ACAN: variants seen among roughly 807,000 people sequenced by gnomAD.
ACAN encodes the protein aggrecan.
In ACAN, 47 loss-of-function variants were observed where a neutral mutation model predicts 169.1. That is an observed-to-expected ratio of 0.28 (90% CI 0.22 to 0.35). The LOEUF is 0.35. Ranked by LOEUF, ACAN falls within the 10% of genes least tolerant of loss-of-function variation. The probability of loss-of-function intolerance (pLI) is 1.00; values close to 1 mark genes in which losing one functional copy is unlikely to be tolerated. For synonymous variants in ACAN, 1,115 were observed against 1,112.2 expected (o/e 1.00, Z -0.05); for missense variants, 2,716 against 2,759.9 (o/e 0.98, Z 0.36).
At chr15:88,804,975 C>T (rs150851532) in intron 1 of ACAN, among the ~76,000 whole-genome samples, 7 of 152,202 alleles carry the variant, frequency 4.6e-5, no homozygotes, top group South Asian at 2.1e-4. Flanking sequence ...GAAAATTCAC[C>T]CACCTCGTCT....
intron 1 of ACAN, among the ~76,000 whole-genome samples, chr15:88,825,020 A>G (rs1896177308): frequency 6.6e-6 from 1 of 152,206 alleles, no homozygotes; most frequent in Non-Finnish European, 1.5e-5. Flanking sequence ...GGAAAGATCC[A>G]GAAGTGTGTG....
Position 88,839,021 on chromosome 15 carries a change from G to C in ACAN, c.429G>C (p.Glu143Asp), listed in dbSNP as rs765720290. 6.2e-7 allele frequency: 1 copy of C among 1,605,956 alleles called. No homozygotes were observed. Among genetic ancestry groups the C allele is most frequent in the Non-Finnish European group, 8.5e-7 (1 of 1,179,796 alleles). Residue 143 changes from glutamate (E) to aspartate (D), a missense_variant, in exon 3 of 19, where the codon GAG (glutamate) becomes GAC (aspartate). Transcript: ENST00000560601. This position sits in a 1 kb window ranked among gnomAD's most constrained non-coding sequence, Gnocchi z 4.5. ...TGATGCATGGCATCGAGGACAGCGA[G>C]GCCACCCTGGAAGTCGTGGTGAAAG... ...CEVMHGIEDS[E>D]ATLEVVVKGI...
In ACAN at chr15:88,859,076, C is replaced by T. The variant is rs368693410; in HGVS notation, c.6491C>T (p.Ala2164Val). 2 of 1,613,834 alleles carry T rather than the reference C, an allele frequency of 1.2e-6. No homozygotes were observed. Among genetic ancestry groups the T allele is most frequent in the African/African-American group, 2.7e-5 (2 of 74,942 alleles). ...LTFQEGEASA[A>V]PEVSGESTTT... ...TTTCAAGAAGGCGAGGCGTCCGCTG[C>T]CCCAGAAGTGAGTGGAGAATCCACC... is the stretch of plus-strand genomic sequence containing the variant. The change falls in exon 12 of 19, where the codon GCC becomes GTC. Residue 2164 changes from alanine to valine, a missense_variant. Ala to Val is a moderately conservative substitution (Grantham distance 64). Around this residue, in one of 3 missense-constraint regions of ACAN, gnomAD observed 1,389 missense variants for 1,363.7 expected, o/e 1.02. Transcript: ENST00000560601.
chr15:88,824,025 C>T (rs1281277849), intron 1 of ACAN, among the ~76,000 whole-genome samples: 7 of 152,034 alleles, frequency 4.6e-5, no homozygotes, highest in Non-Finnish European at 2.9e-5. Flanking sequence ...TATGATCGGT[C>T]TTAAGATTAA....
chr15:88,813,379 G>A (rs1895867477), intron 1 of ACAN, among the ~76,000 whole-genome samples: 1 of 152,136 alleles, frequency 6.6e-6, no homozygotes, highest in Admixed American at 6.5e-5. Context: ...GGAAATCTGG[G>A]ACTCAGAAAA....
chr15:88,839,095 C>A lies in ACAN; in HGVS notation c.454+49C>A. ...ACGCTGCTTCACCCACATAAAGAAC[C>A]AGAGCAGTCTCCGCAGTGCAGGCGC... On this transcript the variant is annotated intron_variant, in intron 3 of 18. Transcript: ENST00000560601. This position sits in a 1 kb window ranked among gnomAD's most constrained non-coding sequence, Gnocchi z 4.5. 6.3e-7 allele frequency: 1 copy of A among 1,586,506 alleles called. No individual in the cohort carries two copies. Among genetic ancestry groups the A allele is most frequent in the South Asian group, 1.1e-5 (1 of 89,182 alleles).
At chr15:88,853,633 C>G (rs1364263041) in intron 11 of ACAN, among the ~76,000 whole-genome samples, 1 of 151,598 alleles carries the variant, frequency 6.6e-6, no homozygotes, top group Admixed American at 6.6e-5. Context: ...GCAAGACCCT[C>G]TCTCCAAAAA....
At chr15:88,810,107 A>T (rs1180738918) in intron 1 of ACAN, among the ~76,000 whole-genome samples, 1 of 152,098 alleles carries the variant, frequency 6.6e-6, no homozygotes, top group Non-Finnish European at 1.5e-5. Context: ...AGTCCCAGAG[A>T]GCGGAGGACA....
Position 88,803,459 on chromosome 15 carries a change from G to A in ACAN, c.-358G>A, listed in dbSNP as rs972592853. 3.8e-5 allele frequency: 3 copies of A among 78,100 alleles called. No homozygotes were observed. Among genetic ancestry groups the A allele is most frequent in the Non-Finnish European group, 7.6e-5 (3 of 39,384 alleles). The allele number at this position is 78,100 out of a possible 1,614,324, so 4.8% of individuals were successfully genotyped here. On this transcript the variant is annotated 5_prime_UTR_variant, in exon 1 of 19. Coordinates refer to ENST00000560601, the MANE Select transcript of ACAN (RefSeq NM_001369268.1). ...CCGCCCGCCCACCTACCTCCCCGCC[G>A]CTCCAGAGGGGGCTCGCAGAGCTGA...
intron 1 of ACAN, among the ~76,000 whole-genome samples, chr15:88,818,098 C>T (rs777718406): frequency 6.6e-6 from 1 of 152,126 alleles, no homozygotes; most frequent in African/African-American, 2.4e-5. Context: ...GTTTTCCTTA[C>T]TTGACTATTC....
Position 88,857,174 on chromosome 15 carries a change from C to G in ACAN, c.4589C>G (p.Ser1530Cys). The change falls in exon 12 of 19, where the codon TCT (serine) becomes TGT (cysteine). Residue 1530 changes from serine to cysteine, a missense_variant. Physicochemically the swap from Ser to Cys is moderately radical, Grantham distance 112 (BLOSUM62 -1). Transcript: ENST00000560601. ...SGVEDLSRLPSGEEVLEISAS... is the reference protein window; with the variant it reads ...SGVEDLSRLPCGEEVLEISAS... ...GTAGAGGACCTCAGCAGGCTCCCTT[C>G]TGGAGAAGAAGTTCTAGAGATTTCT... 6.2e-7 allele frequency: 1 copy of G among 1,613,850 alleles called. No homozygotes were observed. Among genetic ancestry groups the G allele is most frequent in the East Asian group, 2.2e-5 (1 of 44,882 alleles).
intron 1 of ACAN, among the ~76,000 whole-genome samples, chr15:88,830,956 C>T (rs1192649408): frequency 6.6e-6 from 1 of 152,108 alleles, no homozygotes; most frequent in Non-Finnish European, 1.5e-5. Context: ...ATCGTAGGTA[C>T]AGTTTGTTGT....
chr15:88,813,480 C>G (rs1197928463), intron 1 of ACAN, among the ~76,000 whole-genome samples: 3 of 152,200 alleles, frequency 2.0e-5, no homozygotes, highest in Admixed American at 2.0e-4. Flanking sequence ...CACCAGTGAC[C>G]CAACTGAGGA....
Position 88,839,015 on chromosome 15 carries a change from C to A in ACAN, c.423C>A (p.Asp141Glu). The change falls in exon 3 of 19, where the codon GAC becomes GAA. Residue 141 changes from aspartate to glutamate, a missense_variant. This residue lies in a region of ACAN where 1,283 missense variants were observed against 1,281.5 expected (regional missense o/e 1.00). Coordinates refer to ENST00000560601, the MANE Select transcript of ACAN (RefSeq NM_001369268.1). This position sits in a 1 kb window ranked among gnomAD's most constrained non-coding sequence, Gnocchi z 4.5. Reference sequence around the variant, plus strand: ...GCGAGGTGATGCATGGCATCGAGGACAGCGAGGCCACCCTGGAAGTCGTGG... The same window carrying A: ...GCGAGGTGATGCATGGCATCGAGGAAAGCGAGGCCACCCTGGAAGTCGTGG... ...YRCEVMHGIE[D>E]SEATLEVVVK... The A allele has an allele frequency of 6.2e-7, 1 of 1,607,292 alleles. No homozygotes were observed. Among genetic ancestry groups the A allele is most frequent in the Non-Finnish European group, 8.5e-7 (1 of 1,179,822 alleles).
rs543052440 is a variant in ACAN at position 88,854,956 on chromosome 15, G to A, written c.2371G>A (p.Glu791Lys). The A allele has an allele frequency of 8.1e-6, 13 of 1,599,814 alleles. 1 individual carries two copies. The East Asian group carries it at 2.9e-4, about 36-fold the overall frequency. ...PSASEEPSPS[E>K]VPFPSEEPSP... ...TGCCTCAGAGGAACCATCCCCCTCAGAGGTGCCATTCCCCTCAGAGGAGCC... is the reference window on the plus strand; with the variant it reads ...TGCCTCAGAGGAACCATCCCCCTCAAAGGTGCCATTCCCCTCAGAGGAGCC... The change falls in exon 12 of 19, where the codon GAG becomes AAG. Residue 791 changes from glutamate to lysine, a missense_variant. Glu to Lys is a moderately conservative substitution (Grantham distance 56). Coordinates refer to ENST00000560601, the MANE Select transcript of ACAN (RefSeq NM_001369268.1).
chr15:88,857,786 G>T lies in ACAN; in HGVS notation c.5201G>T (p.Gly1734Val). 6.2e-7 allele frequency: 1 copy of T among 1,613,950 alleles called. No individual in the cohort carries two copies. The change falls in exon 12 of 19, where the codon GGT (glycine) becomes GTT (valine). Residue 1734 changes from glycine to valine, a missense_variant. Physicochemically the swap from Gly to Val is moderately radical, Grantham distance 109. Coordinates refer to ENST00000560601, the MANE Select transcript of ACAN (RefSeq NM_001369268.1). ...DVSGEIPGLFGVSGQPSGFPD... is the reference protein window; with the variant it reads ...DVSGEIPGLFVVSGQPSGFPD... Reference sequence around the variant, plus strand: ...AGTGGGGAAATACCTGGACTCTTTGGTGTCAGTGGACAGCCATCAGGGTTT... The same window carrying T: ...AGTGGGGAAATACCTGGACTCTTTGTTGTCAGTGGACAGCCATCAGGGTTT...
chr15:88,858,867 A>T lies in ACAN; in HGVS notation c.6282A>T (p.Ser2094=). 1 of 1,612,242 alleles carries T rather than the reference A, an allele frequency of 6.2e-7. No homozygotes were observed. The highest frequency in any genetic ancestry group is 8.5e-7 in the Non-Finnish European group (1 of 1,178,770). The change falls in exon 12 of 19, where the codon TCA becomes TCT. Residue 2094 remains serine, a synonymous_variant. Transcript: ENST00000560601. The surrounding 1 kb of genome is among the most constrained non-coding windows in gnomAD (Gnocchi z 4.0). ...PVLPGSGVEV[S]SVPESSSETS... Reference sequence around the variant, plus strand: ...TCCCTGGGTCTGGAGTAGAAGTATCATCAGTCCCAGAATCTAGCAGTGAGA... The same window carrying T: ...TCCCTGGGTCTGGAGTAGAAGTATCTTCAGTCCCAGAATCTAGCAGTGAGA...
chr15:88,820,430 ATT>A (rs1896047715), intron 1 of ACAN, among the ~76,000 whole-genome samples: 2 of 152,150 alleles, frequency 1.3e-5, no homozygotes, highest in South Asian at 4.1e-4. Context: ...CTGAGAGCCT[ATT>A]CATCACCTAC....
intron 11 of ACAN, among the ~76,000 whole-genome samples, chr15:88,853,501 G>T (rs1221183730): frequency 6.6e-6 from 1 of 152,066 alleles, no homozygotes; most frequent in Non-Finnish European, 1.5e-5. Context: ...AGCCAGGTGT[G>T]GTGGCACGCA....
Sources: gnomAD v4.1 joint callset for allele counts (sites outside exome capture counted in the v4.1 genomes callset) on GRCh38, gnomAD v4.1.1 for gene constraint, gnomAD v4.1.1 regional missense constraint, Gnocchi (gnomAD v3.1) non-coding constraint, MANE v1.5 for transcripts, NCBI Gene and HGNC (gene_info 2026-07-23, HGNC 2026-07-21) for gene names.